The following CDKN2B-AS1 variants were observed in gnomAD, a reference collection of about 807,000 sequenced individuals.
CDKN2B-AS1 encodes CDKN2B antisense RNA 1 (non-protein coding).
At chr9:22,012,129 G>A (rs1311281450) in intron 1 of CDKN2B-AS1, 7 of 1,037,606 alleles carry the variant, frequency 6.7e-6, no homozygotes, top group Non-Finnish European at 1.0e-5. Flanking sequence ...TTTCTTCAGC[G>A]AGGCAGCCGA....
At chr9:22,097,919 G>A (rs1825340325) in intron 4 of CDKN2B-AS1, among the ~76,000 whole-genome samples, 1 of 152,130 alleles carries the variant, frequency 6.6e-6, no homozygotes, top group African/African-American at 2.4e-5. Flanking sequence ...TTTCTTTGTG[G>A]TTCCCTTTAG....
intron 4 of CDKN2B-AS1, among the ~76,000 whole-genome samples, chr9:22,066,727 A>G (rs1824059965): frequency 6.6e-6 from 1 of 152,004 alleles, no homozygotes; most frequent in South Asian, 2.1e-4. Context: ...TAGAGTTACC[A>G]TCGGGTCTTA....
At position 21,996,784 on chromosome 9, in the gene CDKN2B-AS1, G is replaced by C. The variant is rs1389871706; in HGVS notation, n.29+1623G>C. The stretch of plus-strand genomic sequence containing the variant: ...TAGTTCATCCTGGAAGAAAAACGAT[G>C]TCGGATGCCAGCATAGTGTCATTTA... On this transcript the variant is annotated intron_variant and non_coding_transcript_variant, in intron 1 of 4. Transcript: ENST00000650946. The surrounding 1 kb of genome is among the most constrained non-coding windows in gnomAD (Gnocchi z 5.4). Among the ~76,000 whole-genome samples, 1 of 152,208 alleles carries C rather than the reference G, an allele frequency of 6.6e-6. No individual in the cohort carries two copies. Among genetic ancestry groups the C allele is most frequent in the East Asian group, 1.9e-4 (1 of 5,198 alleles).
chr9:22,075,419 G>C (rs943664076), intron 4 of CDKN2B-AS1, among the ~76,000 whole-genome samples: 8 of 152,192 alleles, frequency 5.3e-5, no homozygotes, highest in African/African-American at 1.9e-4. Flanking sequence ...AGAGGACTTT[G>C]AGACTCAGCG....
chr9:22,101,590 CTGG>C (rs1825486874), intron 4 of CDKN2B-AS1, among the ~76,000 whole-genome samples: 1 of 151,888 alleles, frequency 6.6e-6, no homozygotes, highest in South Asian at 2.1e-4. Context: ...TCAGCTTTCT[CTGG>C]TGAATAATTT....
At chr9:22,087,540 AT>A (rs1218014643) in intron 4 of CDKN2B-AS1, among the ~76,000 whole-genome samples, 1 of 152,150 alleles carries the variant, frequency 6.6e-6, no homozygotes, top group Non-Finnish European at 1.5e-5. Flanking sequence ...GTTTATGCTT[AT>A]TTTTCAGAAA....
At chr9:22,024,103 A>G (rs1488863658) in intron 1 of CDKN2B-AS1, among the ~76,000 whole-genome samples, 4 of 152,100 alleles carry the variant, frequency 2.6e-5, no homozygotes, top group African/African-American at 9.7e-5. Flanking sequence ...GGTTGCTGAC[A>G]TTTGGATTAT....
At chr9:22,106,624 A>C (rs957472021) in intron 4 of CDKN2B-AS1, among the ~76,000 whole-genome samples, 1 of 152,220 alleles carries the variant, frequency 6.6e-6, no homozygotes, top group African/African-American at 2.4e-5. Context: ...ATGCCTTGGC[A>C]TAAGGGACTG....
intron 4 of CDKN2B-AS1, among the ~76,000 whole-genome samples, chr9:22,088,913 T>G (rs750787651): frequency 6.6e-6 from 1 of 152,204 alleles, no homozygotes; most frequent in Non-Finnish European, 1.5e-5. Context: ...CTGGGAACTT[T>G]GGATTGCCTT....
chr9:22,123,517 A>T (rs1327604133), intron 4 of CDKN2B-AS1, among the ~76,000 whole-genome samples: 1 of 152,192 alleles, frequency 6.6e-6, no homozygotes, highest in African/African-American at 2.4e-5. Context: ...ATGTGTTTGC[A>T]CCAAAAGAGG....
At chr9:22,107,842 G>T (rs183585199) in intron 4 of CDKN2B-AS1, among the ~76,000 whole-genome samples, 10 of 152,278 alleles carry the variant, frequency 6.6e-5, no homozygotes, top group African/African-American at 2.2e-4. Context: ...AACTTCCTGT[G>T]GAGGGACAAT....
intron 1 of CDKN2B-AS1, among the ~76,000 whole-genome samples, chr9:22,029,002 T>G (rs1371632094): frequency 6.6e-6 from 1 of 152,068 alleles, no homozygotes; most frequent in African/African-American, 2.4e-5. Context: ...CTGGCTTAAT[T>G]TGGGACAATT....
At chr9:22,126,692 C>A (rs1818029194) in intron 4 of CDKN2B-AS1, among the ~76,000 whole-genome samples, 1 of 151,440 alleles carries the variant, frequency 6.6e-6, no homozygotes, top group Non-Finnish European at 1.5e-5. Flanking sequence ...CCTGCCTCAG[C>A]CTCCCGAGTA....
At chr9:22,026,330 G>A (rs1466987738) in intron 1 of CDKN2B-AS1, among the ~76,000 whole-genome samples, 5 of 152,108 alleles carry the variant, frequency 3.3e-5, no homozygotes, top group Non-Finnish European at 5.9e-5. Flanking sequence ...GGGAGGTCCC[G>A]CCTGTAAGGA....
intron 4 of CDKN2B-AS1, among the ~76,000 whole-genome samples, chr9:22,059,298 A>G (rs1823706182): frequency 6.6e-6 from 1 of 152,218 alleles, no homozygotes; most frequent in Admixed American, 6.5e-5. Context: ...TGGTGGTACC[A>G]GTATTGAGTA....
At chr9:22,080,857 A>G (rs556134850) in intron 4 of CDKN2B-AS1, among the ~76,000 whole-genome samples, 68 of 152,368 alleles carry the variant, frequency 4.5e-4, no homozygotes, top group Middle Eastern at 3.4e-3. Flanking sequence ...CCAGACTCAG[A>G]AACTATTCCA....
intron 4 of CDKN2B-AS1, among the ~76,000 whole-genome samples, chr9:22,106,101 G>C (rs879530588): frequency 2.0e-5 from 3 of 151,484 alleles, no homozygotes; most frequent in Admixed American, 6.6e-5. Context: ...TTTCTTTTTC[G>C]AGACCGTGTC....
At position 22,075,846 on chromosome 9, in the gene CDKN2B-AS1, TA is replaced by T. The variant is rs371606730; in HGVS notation, n.438+19460del. Among the ~76,000 whole-genome samples, 221 of 152,260 alleles carry T rather than the reference TA, an allele frequency of 1.5e-3. 4 individuals are homozygous for T. The highest frequency in any genetic ancestry group is 4.4e-3 in the African/African-American group (184 of 41,544). ...AATACATCCCAGAAATGAACCCCTT[TA>T]TTTTCTGGGACTGTTAGAGCAGGGA... On this transcript the variant is annotated intron_variant and non_coding_transcript_variant, in intron 4 of 4. Coordinates refer to ENST00000650946, the Ensembl canonical transcript of CDKN2B-AS1.
chr9:22,078,158 A>G (rs1824567721), intron 4 of CDKN2B-AS1, among the ~76,000 whole-genome samples: 1 of 152,158 alleles, frequency 6.6e-6, no homozygotes, highest in Admixed American at 6.5e-5. Context: ...TACTTACGAT[A>G]TGACTTGACT....
Sources: allele counts gnomAD v4.1 joint callset (sites outside exome capture counted in the v4.1 genomes callset), GRCh38; gene constraint gnomAD v4.1.1; non-coding constraint Gnocchi (gnomAD v3.1); transcripts MANE v1.5; gene names NCBI Gene and HGNC (gene_info 2026-07-23, HGNC 2026-07-21).